The following RPS6KC1 variants were observed in gnomAD, a reference collection of about 807,000 sequenced individuals.
The protein encoded by RPS6KC1 is ribosomal protein S6 kinase C1.
Under a neutral mutation model 103.8 loss-of-function variants are expected in RPS6KC1, and 54 were observed. The observed-to-expected ratio is 0.52, with a 90% CI of 0.42 to 0.65. The LOEUF (loss-of-function observed/expected upper bound fraction) is 0.65. Ranked by LOEUF, RPS6KC1 falls within the 30% of genes least tolerant of loss-of-function variation. RPS6KC1 has a pLI of 0.00. For synonymous variants in RPS6KC1, 439 were observed against 438.7 expected (o/e 1.00, Z -0.01); for missense variants, 1,151 against 1,253.8 (o/e 0.92, Z 1.24).
chr1:213,635,749 G>T, the RPS6KC1 span, among the ~76,000 whole-genome samples: 1 of 152,194 alleles, frequency 6.6e-6, no homozygotes, highest in Non-Finnish European at 1.5e-5. Context: ...ATTCAACATA[G>T]TGTTGGAAGT....
the RPS6KC1 span, among the ~76,000 whole-genome samples, chr1:213,810,934 G>C: frequency 6.6e-6 from 1 of 152,340 alleles, no homozygotes; most frequent in East Asian, 1.9e-4. Context: ...AGGCCAGAGA[G>C]TGGCATCTCA....
chr1:213,378,002 G>A, the RPS6KC1 span, among the ~76,000 whole-genome samples: 1 of 152,214 alleles, frequency 6.6e-6, no homozygotes, highest in Non-Finnish European at 1.5e-5. Context: ...GCAAATAGCA[G>A]GAGCAAGGTT....
chr1:213,623,702 G>A, the RPS6KC1 span, among the ~76,000 whole-genome samples: 1 of 152,172 alleles, frequency 6.6e-6, no homozygotes, highest in Middle Eastern at 3.2e-3. Context: ...GTGAGTATAT[G>A]TTGAAAATTG....
chr1:213,170,123 C>A (rs1008797695), intron 7 of RPS6KC1, among the ~76,000 whole-genome samples: 1 of 152,150 alleles, frequency 6.6e-6, no homozygotes, highest in Non-Finnish European at 1.5e-5. Flanking sequence ...TACCAGTATT[C>A]TATTCATTCT....
chr1:213,080,711 C>T (rs2079796427), intron 3 of RPS6KC1, among the ~76,000 whole-genome samples: 1 of 152,154 alleles, frequency 6.6e-6, no homozygotes, highest in Non-Finnish European at 1.5e-5. Context: ...ACTATAGGCA[C>T]ATGCCACCAT....
chr1:213,579,495 C>G, the RPS6KC1 span, among the ~76,000 whole-genome samples: 2 of 152,034 alleles, frequency 1.3e-5, no homozygotes, highest in African/African-American at 4.8e-5. Flanking sequence ...AGCAAGTTAT[C>G]CAGAAGATCT....
the RPS6KC1 span, among the ~76,000 whole-genome samples, chr1:213,496,483 C>T: frequency 6.6e-6 from 1 of 152,120 alleles, no homozygotes; most frequent in African/African-American, 2.4e-5. Context: ...TCAGGCCAGG[C>T]ATGGTGACTC....
chr1:213,309,179 C>T, the RPS6KC1 span, among the ~76,000 whole-genome samples: 1 of 152,120 alleles, frequency 6.6e-6, no homozygotes, highest in Non-Finnish European at 1.5e-5. Context: ...CCTGTAGTCC[C>T]AGCTACTTGG....
the RPS6KC1 span, among the ~76,000 whole-genome samples, chr1:213,465,039 G>A: frequency 6.6e-6 from 1 of 152,012 alleles, no homozygotes; most frequent in Non-Finnish European, 1.5e-5. Context: ...CTGGTTGAGG[G>A]GTACAAAGGC....
the RPS6KC1 span, among the ~76,000 whole-genome samples, chr1:213,680,106 G>A: frequency 5.9e-5 from 9 of 152,094 alleles, no homozygotes; most frequent in Non-Finnish European, 1.3e-4. Context: ...AAGAAGGAAC[G>A]ATCCAGAATG....
chr1:213,732,093 A>G, the RPS6KC1 span, among the ~76,000 whole-genome samples: 1 of 152,002 alleles, frequency 6.6e-6, no homozygotes, highest in South Asian at 2.1e-4. Context: ...CATTTTTTCT[A>G]TAATGAATAG....
At chr1:213,537,019 T>C in the RPS6KC1 span, among the ~76,000 whole-genome samples, 1 of 152,174 alleles carries the variant, frequency 6.6e-6, no homozygotes, top group Non-Finnish European at 1.5e-5. Context: ...ACCTTACATA[T>C]GGTGCAGTGG....
the RPS6KC1 span, among the ~76,000 whole-genome samples, chr1:213,291,139 C>A: frequency 6.6e-6 from 1 of 152,232 alleles, no homozygotes; most frequent in Non-Finnish European, 1.5e-5. Context: ...CCAGTATACA[C>A]TGAAAAGGTA....
chr1:213,471,701 T>A, the RPS6KC1 span, among the ~76,000 whole-genome samples: 4 of 152,204 alleles, frequency 2.6e-5, no homozygotes, highest in African/African-American at 9.6e-5. Flanking sequence ...AAATTCCATT[T>A]TTCCCCATTT....
chr1:213,797,203 C>A, the RPS6KC1 span, among the ~76,000 whole-genome samples: 1 of 152,202 alleles, frequency 6.6e-6, no homozygotes, highest in Admixed American at 6.5e-5. Flanking sequence ...ACTAAACACT[C>A]AGGATTCCAA....
chr1:213,118,316 A>C (rs938529685), intron 5 of RPS6KC1, among the ~76,000 whole-genome samples: 14 of 152,032 alleles, frequency 9.2e-5, no homozygotes, highest in Non-Finnish European at 1.8e-4. Context: ...GTTACGGAAA[A>C]AAAAAGATTT....
At chr1:213,406,331 T>C in the RPS6KC1 span, among the ~76,000 whole-genome samples, 1 of 152,236 alleles carries the variant, frequency 6.6e-6, no homozygotes, top group Non-Finnish European at 1.5e-5. Flanking sequence ...TCAGTTTATT[T>C]TTCAGTTGCA....
intron 12 of RPS6KC1, among the ~76,000 whole-genome samples, chr1:213,252,969 C>T (rs1038234819): frequency 3.3e-5 from 5 of 152,130 alleles, no homozygotes; most frequent in African/African-American, 1.2e-4. Flanking sequence ...TTTTCTATGA[C>T]TTCTTAATAA....
chr1:213,051,824 C>T (rs1258438683), intron 1 of RPS6KC1, among the ~76,000 whole-genome samples: 1 of 152,142 alleles, frequency 6.6e-6, no homozygotes, highest in Non-Finnish European at 1.5e-5. Flanking sequence ...TCGCAATTTG[C>T]AGAAGTGGTT....
Sources: gnomAD v4.1 joint callset for allele counts (sites outside exome capture counted in the v4.1 genomes callset) on GRCh38, gnomAD v4.1.1 for gene constraint, MANE v1.5 for transcripts, NCBI Gene and HGNC (gene_info 2026-07-23, HGNC 2026-07-21) for gene names.